CTNNBIP1: variants seen among roughly 807,000 people sequenced by gnomAD.
CTNNBIP1 encodes beta-catenin-interacting protein 1.
A neutral mutation model predicts 11.8 loss-of-function variants in CTNNBIP1; 7 were observed. That is an observed-to-expected ratio of 0.60 (90% CI 0.34 to 1.12). The LOEUF is 1.12. Ranked by LOEUF, CTNNBIP1 falls within the 50% of genes most tolerant of loss-of-function variation. CTNNBIP1 has a pLI of 0.03. For synonymous variants in CTNNBIP1, 58 were observed against 43.9 expected, an observed-to-expected ratio of 1.32 and a Z score of -1.26; for missense variants, 101 against 113.4, an observed-to-expected ratio of 0.89 and a Z score of 0.50.
chr1:9,894,939 ACT>A (rs1491250574), intron 1 of CTNNBIP1, among the ~76,000 whole-genome samples: 1 of 115,096 alleles, frequency 8.7e-6, no homozygotes, highest in Non-Finnish European at 1.7e-5. Flanking sequence ...ACAGAGTCTC[ACT>A]CTGTCCCTCA....
chr1:9,902,907 A>G (rs917985286), intron 1 of CTNNBIP1, among the ~76,000 whole-genome samples: 3 of 152,148 alleles, frequency 2.0e-5, no homozygotes, highest in African/African-American at 7.2e-5. Context: ...CTGGGACTAC[A>G]GGTGCGTACC....
Position 9,854,421 on chromosome 1 carries a change from C to G in CTNNBIP1, c.188-3645G>C, listed in dbSNP as rs7519078. ...CAAACTAGAAGAGAACAACCTCTAT[C>G]TGATAAACGGCATCTATGAAAATCC... On this transcript the variant is annotated intron_variant, in intron 5 of 5. Transcript: ENST00000377263. Among the ~76,000 whole-genome samples the G allele has an allele frequency of 5.1e-3, 766 of 150,838 alleles. 5 individuals carry two copies. Among genetic ancestry groups the G allele is most frequent in the Non-Finnish European group, 9.5e-3 (643 of 67,826 alleles).
rs1638897399 is a variant in CTNNBIP1 at position 9,872,989 on chromosome 1, A to T, written c.-24-901T>A. Among the ~76,000 whole-genome samples, 1 of 152,094 alleles carries T rather than the reference A, an allele frequency of 6.6e-6. No individual in the cohort carries two copies. The highest frequency in any genetic ancestry group is 2.1e-4 in the South Asian group (1 of 4,836). ...ACTGCGCTCGGAGAACCACGGAACC[A>T]AGCTGGCAGGCCAAGAACACTCCTC... On this transcript the variant is annotated intron_variant, in intron 3 of 5. Transcript: ENST00000377263. The surrounding 1 kb of genome is among the most constrained non-coding windows in gnomAD (Gnocchi z 4.0).
chr1:9,885,691 C>T (rs1189315409), intron 1 of CTNNBIP1, among the ~76,000 whole-genome samples: 1 of 151,676 alleles, frequency 6.6e-6, no homozygotes, highest in African/African-American at 2.4e-5. Flanking sequence ...GACCTGTAAT[C>T]CCAGAACTTT....
intron 5 of CTNNBIP1, among the ~76,000 whole-genome samples, chr1:9,858,604 G>A (rs1638558853): frequency 6.6e-6 from 1 of 152,090 alleles, no homozygotes; most frequent in Admixed American, 6.5e-5. Flanking sequence ...CTTCTAAAAT[G>A]GCCCTTGTGT....
intron 3 of CTNNBIP1, among the ~76,000 whole-genome samples, chr1:9,875,565 G>A (rs1192505185): frequency 2.0e-5 from 3 of 152,190 alleles, no homozygotes; most frequent in Non-Finnish European, 2.9e-5. Flanking sequence ...GTGGGCCTGC[G>A]GTGTCGTCTG....
At position 9,867,963 on chromosome 1, in the gene CTNNBIP1, T is replaced by A. The variant is rs1293982194; in HGVS notation, c.187+3224A>T. 1.3e-5 allele frequency among the ~76,000 whole-genome samples: 2 copies of A among 152,242 alleles called. No individual in the cohort carries two copies. The highest frequency in any genetic ancestry group is 2.9e-5 in the Non-Finnish European group (2 of 68,040). On this transcript the variant is annotated intron_variant, in intron 5 of 5. Coordinates refer to ENST00000377263, the MANE Select transcript of CTNNBIP1 (RefSeq NM_020248.3). The surrounding 1 kb of genome is among the most constrained non-coding windows in gnomAD (Gnocchi z 4.6). ...CACATGGGTAAGCCCAGTATGGGAC[T>A]GGGCTGATTGCAGTTCTGCTGTTAT...
At chr1:9,854,563 G>A (rs1638463339) in intron 5 of CTNNBIP1, among the ~76,000 whole-genome samples, 1 of 152,012 alleles carries the variant, frequency 6.6e-6, no homozygotes, top group South Asian at 2.1e-4. Flanking sequence ...TCCAGGTTAG[G>A]TAAGTTAAGA....
intron 1 of CTNNBIP1, among the ~76,000 whole-genome samples, chr1:9,905,810 C>G (rs909274661): frequency 2.0e-5 from 3 of 152,196 alleles, no homozygotes; most frequent in African/African-American, 7.2e-5. Flanking sequence ...TTCATAAGAG[C>G]ATGCCTCTTA....
intron 1 of CTNNBIP1, among the ~76,000 whole-genome samples, chr1:9,891,497 G>A (rs1272791653): frequency 6.6e-6 from 1 of 152,174 alleles, no homozygotes; most frequent in African/African-American, 2.4e-5. Context: ...TGAGGATTAG[G>A]TCATTAAATC....
chr1:9,865,545 A>G (rs1056035651), intron 5 of CTNNBIP1, among the ~76,000 whole-genome samples: 2 of 151,918 alleles, frequency 1.3e-5, no homozygotes, highest in Non-Finnish European at 2.9e-5. Context: ...TGGAGTTTGC[A>G]GTGAGCCGAG....
intron 5 of CTNNBIP1, among the ~76,000 whole-genome samples, chr1:9,859,155 C>T (rs578207019): frequency 6.6e-6 from 1 of 152,206 alleles, no homozygotes; most frequent in Non-Finnish European, 1.5e-5. Flanking sequence ...GCCCTGCTCC[C>T]TATCTCTGCC....
Position 9,848,744 on chromosome 1 carries a change from T to C in CTNNBIP1, c.*1974A>G, listed in dbSNP as rs1243890305. ...CTCTCAGGTCCCTGCCAGGGTAGGG[T>C]TGTAGCTGTGTTCCCCACAGCTGAC... On this transcript the variant is annotated 3_prime_UTR_variant, in exon 6 of 6. Transcript: ENST00000377263. The surrounding 1 kb of genome is among the most constrained non-coding windows in gnomAD (Gnocchi z 4.3). 6.6e-6 allele frequency: 1 copy of C among 152,058 alleles called. No individual in the cohort carries two copies. Among genetic ancestry groups the C allele is most frequent in the Non-Finnish European group, 1.5e-5 (1 of 68,026 alleles). 9.4% of individuals were successfully genotyped at this position (152,058 alleles called of 1,614,324 possible). A position where few individuals can be genotyped will look rare whatever the true frequency, so the allele number is the denominator to read the frequency against.
intron 1 of CTNNBIP1, among the ~76,000 whole-genome samples, chr1:9,891,520 T>C (rs1456131469): frequency 6.6e-6 from 1 of 152,214 alleles, no homozygotes; most frequent in Non-Finnish European, 1.5e-5. Flanking sequence ...TTGGATCGGC[T>C]GCAGGACTGT....
intron 1 of CTNNBIP1, among the ~76,000 whole-genome samples, chr1:9,897,006 G>A (rs1350943710): frequency 6.6e-6 from 1 of 151,968 alleles, no homozygotes. Flanking sequence ...GCCGGGCATG[G>A]TGGCGCGCGC....
intron 1 of CTNNBIP1, among the ~76,000 whole-genome samples, chr1:9,900,762 C>T (rs1639506323): frequency 6.6e-6 from 1 of 152,216 alleles, no homozygotes; most frequent in Non-Finnish European, 1.5e-5. Context: ...TAAGCCCCAC[C>T]ATGTCTTCCA....
At chr1:9,869,226 C>G (rs765463952) in intron 5 of CTNNBIP1, among the ~76,000 whole-genome samples, 21 of 152,250 alleles carry the variant, frequency 1.4e-4, no homozygotes, top group Non-Finnish European at 2.5e-4. Context: ...TCTTGAGCTC[C>G]TGGGCTCAAG....
At chr1:9,905,066 T>G (rs1639590833) in intron 1 of CTNNBIP1, among the ~76,000 whole-genome samples, 1 of 152,184 alleles carries the variant, frequency 6.6e-6, no homozygotes, top group Non-Finnish European at 1.5e-5. Context: ...AAGGAGAGCC[T>G]ATTCCAGCCG....
intron 1 of CTNNBIP1, among the ~76,000 whole-genome samples, chr1:9,884,500 C>CTTCT (rs1424828743): frequency 6.6e-6 from 1 of 152,130 alleles, no homozygotes; most frequent in Non-Finnish European, 1.5e-5. Context: ...ACAGGCAAAG[C>CTTCT]TTCTATCTAG....
Sources: allele counts gnomAD v4.1 joint callset (sites outside exome capture counted in the v4.1 genomes callset), GRCh38; gene constraint gnomAD v4.1.1; non-coding constraint Gnocchi (gnomAD v3.1); transcripts MANE v1.5; gene names NCBI Gene and HGNC (gene_info 2026-07-23, HGNC 2026-07-21).